ADAMTSL1: variants seen among roughly 807,000 people sequenced by gnomAD.
ADAMTSL1 encodes the protein ADAMTS like 1.
A neutral mutation model predicts 201.8 loss-of-function variants in ADAMTSL1; 126 were observed. That is an observed-to-expected ratio of 0.62 (90% CI 0.54 to 0.72). The LOEUF is 0.72. Ranked by LOEUF, ADAMTSL1 falls within the 30% of genes least tolerant of loss-of-function variation. The pLI is 0.00. For synonymous variants in ADAMTSL1, 1,121 were observed against 903.4 expected, an observed-to-expected ratio of 1.24 and a Z score of -4.32; for missense variants, 2,679 against 2,277.8, an observed-to-expected ratio of 1.18 and a Z score of -3.59.
chr9:18,893,829 C>G (rs1360935264), intron 26 of ADAMTSL1, among the ~76,000 whole-genome samples: 5 of 152,220 alleles, frequency 3.3e-5, no homozygotes, highest in African/African-American at 1.2e-4. Flanking sequence ...TTCTGCCTAC[C>G]TTCATGAAGT....
intron 2 of ADAMTSL1, among the ~76,000 whole-genome samples, chr9:18,426,011 G>T (rs935477008): frequency 6.6e-6 from 1 of 152,178 alleles, no homozygotes; most frequent in African/African-American, 2.4e-5. Flanking sequence ...TTTAGCATCA[G>T]ATGTGGGATG....
intron 2 of ADAMTSL1, among the ~76,000 whole-genome samples, chr9:18,510,335 T>A (rs1363093217): frequency 6.6e-6 from 1 of 152,200 alleles, no homozygotes; most frequent in Admixed American, 6.5e-5. Flanking sequence ...CAGAACATCC[T>A]CTCTGAGTGA....
intron 2 of ADAMTSL1, among the ~76,000 whole-genome samples, chr9:18,466,887 G>A (rs563247764): frequency 7.9e-4 from 121 of 152,210 alleles, no homozygotes; most frequent in African/African-American, 2.5e-3. Context: ...CTGATTTTCC[G>A]TGGTTTAATT....
chr9:18,908,076 G>T, intron 28 of ADAMTSL1: 1 of 276,580 alleles, frequency 3.6e-6, no homozygotes, highest in Non-Finnish European at 7.0e-6. Flanking sequence ...AAAACCCACG[G>T]GAAAAGGCAG....
intron 16 of ADAMTSL1, among the ~76,000 whole-genome samples, chr9:18,754,679 G>T (rs1819643366): frequency 6.6e-6 from 1 of 152,084 alleles, no homozygotes; most frequent in Non-Finnish European, 1.5e-5. Context: ...CCTTCTCCTT[G>T]CTCCTTGCCC....
At chr9:18,163,780 G>C (rs1322008010) in intron 1 of ADAMTSL1, 5 of 139,146 alleles carry the variant, frequency 3.6e-5, no homozygotes, top group East Asian at 4.7e-4. Flanking sequence ...ATGAATCCAA[G>C]AGCTTTCTGC....
intron 19 of ADAMTSL1, among the ~76,000 whole-genome samples, chr9:18,783,309 A>G (rs1821511296): frequency 6.6e-6 from 1 of 152,228 alleles, no homozygotes; most frequent in Non-Finnish European, 1.5e-5. Context: ...TTAAAAGTAG[A>G]TTGAAGAGGG....
intron 2 of ADAMTSL1, among the ~76,000 whole-genome samples, chr9:18,331,138 A>T (rs1313493550): frequency 2.6e-5 from 4 of 152,194 alleles, no homozygotes; most frequent in African/African-American, 9.6e-5. Context: ...AAGGTGTAAG[A>T]CAAAGGAGCT....
chr9:18,504,518 C>A (rs1823017411), intron 1 of ADAMTSL1, among the ~76,000 whole-genome samples: 1 of 152,158 alleles, frequency 6.6e-6, no homozygotes. Context: ...GAACCCTGAG[C>A]AAAATTGTGA....
chr9:18,616,902 C>T (rs1362557007), intron 4 of ADAMTSL1, among the ~76,000 whole-genome samples: 3 of 152,092 alleles, frequency 2.0e-5, no homozygotes, highest in Non-Finnish European at 4.4e-5. Flanking sequence ...GTTAGAAATG[C>T]ACTCCCTCCC....
intron 23 of ADAMTSL1, among the ~76,000 whole-genome samples, chr9:18,887,461 C>T (rs1275814186): frequency 6.6e-6 from 1 of 151,884 alleles, no homozygotes; most frequent in Non-Finnish European, 1.5e-5. Context: ...CCCAACATAT[C>T]GTATTTGAAG....
At chr9:18,329,043 T>A (rs141037501) in intron 2 of ADAMTSL1, among the ~76,000 whole-genome samples, 1 of 152,256 alleles carries the variant, frequency 6.6e-6, no homozygotes, top group African/African-American at 2.4e-5. Flanking sequence ...TGAAAGCTCA[T>A]CCCCAGTGTG....
intron 2 of ADAMTSL1, among the ~76,000 whole-genome samples, chr9:18,210,253 A>C: frequency 6.6e-6 from 1 of 151,234 alleles, no homozygotes; most frequent in Non-Finnish European, 1.5e-5. Context: ...AATATAAAAC[A>C]TGTCAGAGTT....
chr9:18,111,220 A>G (rs1223188048), intron 1 of ADAMTSL1, among the ~76,000 whole-genome samples: 2 of 152,216 alleles, frequency 1.3e-5, no homozygotes, highest in African/African-American at 2.4e-5. Context: ...CATCATAATG[A>G]CAAGAGTTAT....
At chr9:18,434,061 A>G (rs1166818977) in intron 2 of ADAMTSL1, among the ~76,000 whole-genome samples, 1 of 152,216 alleles carries the variant, frequency 6.6e-6, no homozygotes, top group Non-Finnish European at 1.5e-5. Context: ...CTTTTCCTAC[A>G]CAGGAAGAAT....
intron 15 of ADAMTSL1, among the ~76,000 whole-genome samples, chr9:18,741,442 A>T (rs919202552): frequency 6.6e-6 from 1 of 152,236 alleles, no homozygotes; most frequent in African/African-American, 2.4e-5. Context: ...TGACATGAAG[A>T]CTGGCCTTCC....
chr9:18,614,394 C>G (rs1256677898), intron 4 of ADAMTSL1, among the ~76,000 whole-genome samples: 4 of 152,136 alleles, frequency 2.6e-5, no homozygotes, highest in Non-Finnish European at 1.5e-5. Context: ...CTGGTGACAA[C>G]AAATCCTAGT....
chr9:18,301,935 T>G (rs1029544236), intron 2 of ADAMTSL1, among the ~76,000 whole-genome samples: 2 of 152,238 alleles, frequency 1.3e-5, no homozygotes, highest in Non-Finnish European at 2.9e-5. Flanking sequence ...ATATTCCACA[T>G]GGTTTGTGCT....
chr9:18,123,965 T>A (rs137980663), intron 1 of ADAMTSL1, among the ~76,000 whole-genome samples: 5 of 152,290 alleles, frequency 3.3e-5, no homozygotes, highest in Non-Finnish European at 7.3e-5. Context: ...CTTATTATTG[T>A]CTGTTATTTT....
Sources: gnomAD v4.1 joint callset for allele counts (sites outside exome capture counted in the v4.1 genomes callset) on GRCh38, gnomAD v4.1.1 for gene constraint, MANE v1.5 for transcripts, NCBI Gene and HGNC (gene_info 2026-07-23, HGNC 2026-07-21) for gene names.